The following MECOM variants were observed in gnomAD, a reference collection of about 807,000 sequenced individuals.
MECOM encodes the protein histone-lysine N-methyltransferase MECOM.
A neutral mutation model predicts 116.3 loss-of-function variants in MECOM; 13 were observed. The observed-to-expected ratio is 0.11, with a 90% CI of 0.07 to 0.18. The LOEUF is 0.18. Among genes scored for constraint, MECOM ranks in the 10% least tolerant of loss-of-function variants. The probability of loss-of-function intolerance (pLI) is 1.00; values close to 1 mark genes in which losing one functional copy is unlikely to be tolerated. For synonymous variants in MECOM, 528 were observed against 535.2 expected (o/e 0.99, Z 0.19); for missense variants, 1,299 against 1,509.0 (o/e 0.86, Z 2.31).
chr3:169,207,331 A>T (rs901168812), intron 2 of MECOM, among the ~76,000 whole-genome samples: 2 of 152,210 alleles, frequency 1.3e-5, no homozygotes, highest in Admixed American at 1.3e-4. Flanking sequence ...AGAATATCCC[A>T]TCTGGATACA....
In MECOM at chr3:169,441,744, T is replaced by TTTTTTTTTTTTTTTG. The variant is rs1237906532; in HGVS notation, c.38-60221_38-60220insCAAAAAAAAAAAAAA. 1.2e-4 allele frequency among the ~76,000 whole-genome samples: 17 copies of TTTTTTTTTTTTTTTG among 142,078 alleles called. 1 individual carries two copies. Among genetic ancestry groups the TTTTTTTTTTTTTTTG allele is most frequent in the Admixed American group, 2.9e-4 (4 of 13,970 alleles). The allele number at this position is 142,078 out of a possible 152,430, so 93.2% of individuals were successfully genotyped here. ...TCTTCTCTTCTTTTTTTTTTTTTTT[T>TTTTTTTTTTTTTTTG]AAAAAAGGGGGGGTCTTGCTCTGTC... On this transcript the variant is annotated intron_variant, in intron 1 of 16. Transcript: ENST00000651503.
intron 1 of MECOM, among the ~76,000 whole-genome samples, chr3:169,485,905 A>ATG (rs1752123896): frequency 7.6e-6 from 1 of 131,276 alleles, no homozygotes; most frequent in South Asian, 2.2e-4. Flanking sequence ...TATATATAGT[A>ATG]TATATGTATG....
intron 2 of MECOM, among the ~76,000 whole-genome samples, chr3:169,374,626 C>A (rs757455118): frequency 5.9e-5 from 9 of 151,990 alleles, no homozygotes; most frequent in Non-Finnish European, 1.2e-4. Flanking sequence ...GCAATTCTCA[C>A]GTTGTCTCAT....
intron 1 of MECOM, among the ~76,000 whole-genome samples, chr3:169,422,980 G>A (rs1740018665): frequency 6.6e-6 from 1 of 152,040 alleles, no homozygotes; most frequent in Admixed American, 6.6e-5. Flanking sequence ...GAGTGCTCTG[G>A]TAAGCAGAAA....
chr3:169,166,641 C>T (rs1037940153), intron 2 of MECOM, among the ~76,000 whole-genome samples: 5 of 151,956 alleles, frequency 3.3e-5, no homozygotes, highest in South Asian at 4.1e-4. Flanking sequence ...TGCAAATGTA[C>T]GAGTTAAATT....
chr3:169,435,122 C>T (rs78004551), intron 1 of MECOM, among the ~76,000 whole-genome samples: 6,306 of 152,228 alleles, frequency 0.041, 158 homozygotes, highest in East Asian at 0.061. Flanking sequence ...TATTTCATCT[C>T]TTATGGAAAT....
chr3:169,415,924 T>A (rs1738510849), intron 1 of MECOM, among the ~76,000 whole-genome samples: 1 of 152,080 alleles, frequency 6.6e-6, no homozygotes, highest in Admixed American at 6.6e-5. Flanking sequence ...ACAATAATAA[T>A]GGGAGAATTT....
intron 2 of MECOM, among the ~76,000 whole-genome samples, chr3:169,203,780 AT>A (rs1749522059): frequency 6.6e-6 from 1 of 152,172 alleles, no homozygotes; most frequent in South Asian, 2.1e-4. Context: ...CTGTCATTGC[AT>A]TCTTAGTATT....
chr3:169,583,281 T>C (rs1013184722), intron 1 of MECOM, among the ~76,000 whole-genome samples: 1 of 152,176 alleles, frequency 6.6e-6, no homozygotes, highest in African/African-American at 2.4e-5. Context: ...CATTCATACA[T>C]AAAGAAATCA....
chr3:169,632,139 C>G (rs1772170551), intron 1 of MECOM, among the ~76,000 whole-genome samples: 1 of 152,130 alleles, frequency 6.6e-6, no homozygotes, highest in South Asian at 2.1e-4. Flanking sequence ...TAGCTATCCT[C>G]TGTTCTCAGT....
intron 16 of MECOM, among the ~76,000 whole-genome samples, chr3:169,088,197 A>G (rs757291488): frequency 2.0e-5 from 3 of 152,186 alleles, no homozygotes; most frequent in East Asian, 1.9e-4. Context: ...ACAGTGCCCA[A>G]TAAATATGGT....
intron 1 of MECOM, among the ~76,000 whole-genome samples, chr3:169,533,961 AGT>A (rs1304716807): frequency 1.3e-5 from 2 of 152,202 alleles, no homozygotes; most frequent in Non-Finnish European, 2.9e-5. Context: ...GGATGAAATA[AGT>A]AAAGTTGCTC....
chr3:169,488,582 A>G (rs1164932054), intron 1 of MECOM, among the ~76,000 whole-genome samples: 2 of 151,782 alleles, frequency 1.3e-5, no homozygotes, highest in Non-Finnish European at 2.9e-5. Flanking sequence ...TAAAAACACT[A>G]TTTTTCCAGT....
chr3:169,315,551 C>T (rs1719586008), intron 2 of MECOM, among the ~76,000 whole-genome samples: 1 of 152,130 alleles, frequency 6.6e-6, no homozygotes, highest in Admixed American at 6.5e-5. Flanking sequence ...AGCTTTGTGT[C>T]TTTGCATGTT....
At chr3:169,614,672 C>T (rs1450493690) in intron 1 of MECOM, among the ~76,000 whole-genome samples, 1 of 151,876 alleles carries the variant, frequency 6.6e-6, no homozygotes, top group Non-Finnish European at 1.5e-5. Flanking sequence ...AACAAATCTA[C>T]CAGGTAATAA....
At chr3:169,540,353 C>T (rs745500212) in intron 1 of MECOM, among the ~76,000 whole-genome samples, 1 of 152,138 alleles carries the variant, frequency 6.6e-6, no homozygotes, top group Non-Finnish European at 1.5e-5. Flanking sequence ...GGCATGTTCT[C>T]CATGCCCAAA....
At chr3:169,312,378 T>TC (rs1718951396) in intron 2 of MECOM, among the ~76,000 whole-genome samples, 1 of 149,396 alleles carries the variant, frequency 6.7e-6, no homozygotes, top group South Asian at 2.2e-4. Context: ...TTTTTTTTTT[T>TC]TTTTTTTTGA....
At chr3:169,369,887 T>G (rs1361343190) in intron 2 of MECOM, among the ~76,000 whole-genome samples, 1 of 152,054 alleles carries the variant, frequency 6.6e-6, no homozygotes, top group Non-Finnish European at 1.5e-5. Context: ...CATTTGTTAT[T>G]ATATTACATT....
intron 1 of MECOM, among the ~76,000 whole-genome samples, chr3:169,609,913 A>G (rs1049458893): frequency 6.6e-6 from 1 of 152,212 alleles, no homozygotes; most frequent in Non-Finnish European, 1.5e-5. Context: ...TGGACAACAT[A>G]TTCCAAATTC....
Sources: allele counts gnomAD v4.1 joint callset (sites outside exome capture counted in the v4.1 genomes callset), GRCh38; gene constraint gnomAD v4.1.1; transcripts MANE v1.5; gene names NCBI Gene and HGNC (gene_info 2026-07-23, HGNC 2026-07-21).